COL5A2: variants seen among roughly 807,000 people sequenced by gnomAD.
COL5A2 encodes the protein collagen alpha-2(V) chain.
COL5A2 carries 23 observed loss-of-function variants against 208.2 expected under a neutral mutation model. That is an observed-to-expected ratio of 0.11 (90% CI 0.08 to 0.16). COL5A2 has a LOEUF of 0.16. Ranked by LOEUF, COL5A2 falls within the 10% of genes least tolerant of loss-of-function variation. The pLI, the probability that COL5A2 is intolerant of heterozygous loss-of-function variation, is 1.00. For missense variants in COL5A2, 1,590 were observed against 1,956.4 expected, an observed-to-expected ratio of 0.81 and a Z score of 3.53; for synonymous variants, 625 against 628.5, an observed-to-expected ratio of 0.99 and a Z score of 0.08.
At chr2:189,332,157 C>T in the COL5A2 span, among the ~76,000 whole-genome samples, 1 of 152,120 alleles carries the variant, frequency 6.6e-6, no homozygotes, top group East Asian at 1.9e-4. Context: ...AAGACTGAGA[C>T]CTAACAGAAG....
the COL5A2 span, among the ~76,000 whole-genome samples, chr2:189,293,765 G>A: frequency 3.3e-5 from 5 of 152,128 alleles, no homozygotes; most frequent in Non-Finnish European, 4.4e-5. Context: ...CTTTGGAACC[G>A]TGAAAACTAA....
chr2:189,049,538 G>T, intron 43 of COL5A2, 84 bp from the exon 44 acceptor site: 1 of 979,990 alleles, frequency 1.0e-6, no homozygotes, highest in Non-Finnish European at 1.6e-6. Context: ...TCAAAATGGT[G>T]CCTCTGGGCT....
At chr2:189,388,487 A>G in the COL5A2 span, among the ~76,000 whole-genome samples, 5 of 152,172 alleles carry the variant, frequency 3.3e-5, no homozygotes, top group Non-Finnish European at 7.3e-5. Flanking sequence ...ATGAGGTTGG[A>G]TAAGTGGGCA....
At chr2:189,037,941 T>C (rs1685476332) in intron 51 of COL5A2, among the ~76,000 whole-genome samples, 1 of 152,168 alleles carries the variant, frequency 6.6e-6, no homozygotes, top group Non-Finnish European at 1.5e-5. Context: ...CACAAAAATA[T>C]CAATATTTTA....
At chr2:189,106,122 T>C (rs549924958) in intron 2 of COL5A2, among the ~76,000 whole-genome samples, 1 of 151,636 alleles carries the variant, frequency 6.6e-6, no homozygotes, top group Admixed American at 6.6e-5. Flanking sequence ...TCTATGAAAA[T>C]TTTAACTTGC....
At chr2:189,366,012 C>T in the COL5A2 span, among the ~76,000 whole-genome samples, 8 of 152,174 alleles carry the variant, frequency 5.3e-5, no homozygotes, top group African/African-American at 1.9e-4. Context: ...CTATGATTGC[C>T]TACACTTTCC....
At chr2:189,344,922 C>G in the COL5A2 span, among the ~76,000 whole-genome samples, 3 of 152,200 alleles carry the variant, frequency 2.0e-5, no homozygotes, top group Non-Finnish European at 2.9e-5. Flanking sequence ...GGTCAAGGAA[C>G]CAAAATGTGT....
the COL5A2 span, among the ~76,000 whole-genome samples, chr2:189,269,186 C>G: frequency 2.6e-5 from 4 of 152,082 alleles, no homozygotes. Context: ...AAAATTAATT[C>G]TATTCTTGAA....
the COL5A2 span, among the ~76,000 whole-genome samples, chr2:189,417,263 C>T: frequency 1.1e-4 from 17 of 152,152 alleles, no homozygotes; most frequent in East Asian, 7.7e-4. Flanking sequence ...CAACATATTA[C>T]GGCATCACTA....
chr2:189,392,721 G>A, the COL5A2 span, among the ~76,000 whole-genome samples: 1 of 152,254 alleles, frequency 6.6e-6, no homozygotes, highest in Middle Eastern at 3.4e-3. Flanking sequence ...GTTAACAGAT[G>A]TGATAGGCAC....
rs113088688 is a variant in COL5A2 at position 189,144,689 on chromosome 2, G to A, written c.98-34240C>T. On this transcript the variant is annotated intron_variant, in intron 1 of 53. Transcript: ENST00000374866. The stretch of plus-strand genomic sequence containing the variant: ...TCCTAATGAACTGGGAAGATGATAA[G>A]TGCTTATAATTCCAACAAATAATGT... Among the ~76,000 whole-genome samples, 37 of 152,068 alleles carry A rather than the reference G, an allele frequency of 2.4e-4. 1 individual carries two copies. Among genetic ancestry groups the A allele is most frequent in the African/African-American group, 8.7e-4 (36 of 41,496 alleles).
intron 1 of COL5A2, among the ~76,000 whole-genome samples, chr2:189,128,731 A>G (rs890272981): frequency 1.3e-5 from 2 of 152,050 alleles, no homozygotes; most frequent in Non-Finnish European, 2.9e-5. Context: ...AATGATGTGC[A>G]ACAAGAAAAC....
At chr2:189,384,510 T>A in the COL5A2 span, among the ~76,000 whole-genome samples, 1 of 152,184 alleles carries the variant, frequency 6.6e-6, no homozygotes, top group Non-Finnish European at 1.5e-5. Context: ...TGATTAGTGA[T>A]GATGAGCACT....
chr2:189,079,646 T>C, intron 14 of COL5A2, among the ~76,000 whole-genome samples: 1 of 152,174 alleles, frequency 6.6e-6, no homozygotes. Flanking sequence ...ATGGGACTAA[T>C]GAACTATCTA....
Position 189,051,352 on chromosome 2 carries a change from C to A in COL5A2, c.2899G>T (p.Asp967Tyr). Reference sequence around the variant, plus strand: ...CCATCTTCTCCTGGGTCCCCTTTGTCTCCTGGGCCACCAGGGGGGCCAGCT... The same window carrying A: ...CCATCTTCTCCTGGGTCCCCTTTGTATCCTGGGCCACCAGGGGGGCCAGCT... ...GPAGPPGGPG[D>Y]KGDPGEDGQP... Residue 967 changes from aspartate (D) to tyrosine (Y), a missense_variant, in exon 42 of 54, where the codon GAC (aspartate) becomes TAC (tyrosine). By Grantham distance (160) the Asp-to-Tyr change is radical. Transcript: ENST00000374866. 6.2e-7 allele frequency: 1 copy of A among 1,614,000 alleles called. No individual in the cohort carries two copies. Among genetic ancestry groups the A allele is most frequent in the Non-Finnish European group, 8.5e-7 (1 of 1,179,978 alleles).
chr2:189,405,952 T>G, the COL5A2 span, among the ~76,000 whole-genome samples: 1 of 152,220 alleles, frequency 6.6e-6, no homozygotes, highest in East Asian at 1.9e-4. Context: ...CGTTTTCTAT[T>G]TAAAGCAATT....
chr2:189,389,690 A>C, the COL5A2 span, among the ~76,000 whole-genome samples: 2 of 152,194 alleles, frequency 1.3e-5, no homozygotes, highest in Admixed American at 1.3e-4. Context: ...TATTCACAAG[A>C]GACAAAAAAT....
Position 189,068,786 on chromosome 2 carries a change from A to T in COL5A2, c.1257T>A (p.Pro419=). 1.2e-6 allele frequency: 2 copies of T among 1,609,058 alleles called. No individual in the cohort carries two copies. Among genetic ancestry groups the T allele is most frequent in the South Asian group, 1.1e-5 (1 of 90,982 alleles). ...PPGPVGSPGL[P]GAIGTDGTPG... ...GTTCTTAAATATGCTAGAAACTTAC[A>T]GGAAGACCTGGAGAGCCAACTGGAC... Residue 419 remains proline, a splice_region_variant and synonymous_variant, in exon 19 of 54, where the codon CCT becomes CCA. Coordinates refer to ENST00000374866, the MANE Select transcript of COL5A2 (RefSeq NM_000393.5).
the COL5A2 span, among the ~76,000 whole-genome samples, chr2:189,252,691 A>G: frequency 6.6e-6 from 1 of 152,132 alleles, no homozygotes; most frequent in Non-Finnish European, 1.5e-5. Flanking sequence ...CAGCACACCA[A>G]CATGGCACAT....
Sources: gnomAD v4.1 joint callset for allele counts (sites outside exome capture counted in the v4.1 genomes callset) on GRCh38, gnomAD v4.1.1 for gene constraint, MANE v1.5 for transcripts, NCBI Gene and HGNC (gene_info 2026-07-23, HGNC 2026-07-21) for gene names.